The following NBPF4 variants were observed in gnomAD, a reference collection of about 807,000 sequenced individuals.
NBPF4 encodes NBPF family member NBPF4.
A neutral mutation model predicts 21.1 loss-of-function variants in NBPF4; 11 were observed. The ratio of observed to expected loss-of-function variants is 0.52; its 90% CI spans 0.33 to 0.86. The LOEUF (loss-of-function observed/expected upper bound fraction) is 0.86. NBPF4 is among the 40% of genes least tolerant of loss of function. NBPF4 has a pLI of 0.03. For synonymous variants in NBPF4, 47 were observed against 106.4 expected (o/e 0.44, Z 3.43); for missense variants, 88 against 265.3 (o/e 0.33, Z 4.64).
rs576165846 is a variant in NBPF4 at position 108,228,906 on chromosome 1, G to C, written c.1660+14C>G. On this transcript the variant is annotated intron_variant, in intron 13 of 14. Coordinates refer to ENST00000415641, the MANE Select transcript of NBPF4 (RefSeq NM_001143989.3). ...ACCTGGATTAGAGCTTCATGACGCC[G>C]TTTCCTTCCCTACCTTGGAAGGGCC... is the stretch of plus-strand genomic sequence containing the variant. 5.9e-6 allele frequency: 8 copies of C among 1,359,562 alleles called. No homozygotes were observed. Among genetic ancestry groups the C allele is most frequent in the Non-Finnish European group, 8.2e-6 (8 of 976,362 alleles). The allele number at this position is 1,359,562 out of a possible 1,614,324, so 84.2% of individuals were successfully genotyped here.
the NBPF4 span, among the ~76,000 whole-genome samples, chr1:108,266,190 AG>A: frequency 6.8e-6 from 1 of 146,758 alleles, no homozygotes; most frequent in Admixed American, 6.8e-5. Flanking sequence ...ACCACTAGCA[AG>A]ACTAATAAAG....
intron 3 of NBPF4, among the ~76,000 whole-genome samples, 171 bp from the exon 4 acceptor site, chr1:108,241,335 TATATACAC>T (rs199664429): frequency 0.12 from 15,175 of 127,544 alleles, 882 homozygotes; most frequent in East Asian, 0.24. Flanking sequence ...TATATATATA[TATATACAC>T]ACACACACAC....
At chr1:108,244,877 C>T (rs1242249326), upstream of NBPF4, among the ~76,000 whole-genome samples, 1 of 14,646 alleles carries the variant, frequency 6.8e-5, no homozygotes, top group African/African-American at 2.4e-4. Flanking sequence ...GGGCATTGAA[C>T]GCTTCTCAGG....
In NBPF4 at chr1:108,223,765, A is replaced by G. The variant is rs188433887; in HGVS notation, c.1876-19T>C. Reference sequence around the variant, plus strand: ...TTGGTATCTGTAGGGGAGAGAGAGAAAAAAAATCAAATGAGCATTTTTGTC... The same window carrying G: ...TTGGTATCTGTAGGGGAGAGAGAGAGAAAAAATCAAATGAGCATTTTTGTC... On this transcript the variant is annotated intron_variant, in intron 14 of 14. Transcript: ENST00000415641. 1.0e-4 allele frequency: 158 copies of G among 1,548,622 alleles called. 2 individuals are homozygous for G. In the African/African-American group the frequency reaches 1.8e-3, roughly 18 times the overall value.
the NBPF4 span, among the ~76,000 whole-genome samples, chr1:108,264,149 T>C: frequency 1.4e-5 from 2 of 146,948 alleles, no homozygotes; most frequent in Non-Finnish European, 3.0e-5. Context: ...ACATATCTCA[T>C]GTGCAAAGAT....
the NBPF4 span, among the ~76,000 whole-genome samples, chr1:108,254,073 C>CTT: frequency 1.8e-5 from 2 of 112,422 alleles, no homozygotes; most frequent in African/African-American, 3.4e-5. Context: ...TGATGTGGTC[C>CTT]TTTTTTTTTT....
chr1:108,257,413 C>T, the NBPF4 span, among the ~76,000 whole-genome samples: 1 of 151,022 alleles, frequency 6.6e-6, no homozygotes, highest in East Asian at 1.9e-4. Context: ...ACAGTAGTCT[C>T]CCTGCTACCC....
chr1:108,246,044 T>A (rs1351202569), upstream of NBPF4, among the ~76,000 whole-genome samples: 1 of 115,970 alleles, frequency 8.6e-6, no homozygotes, highest in Non-Finnish European at 1.8e-5. Flanking sequence ...GTACCAATGA[T>A]TCTCATTAAG....
the NBPF4 span, among the ~76,000 whole-genome samples, chr1:108,257,762 C>CTTTT: frequency 0.013 from 733 of 54,706 alleles, no homozygotes; most frequent in Non-Finnish European, 0.016. Context: ...CTTTTCTTTT[C>CTTTT]TTTTTTTTTT....
At chr1:108,241,513 T>G (rs1354686033) in intron 3 of NBPF4, among the ~76,000 whole-genome samples, 1 of 146,048 alleles carries the variant, frequency 6.8e-6, no homozygotes, top group African/African-American at 2.5e-5. Flanking sequence ...CCTAAATCAG[T>G]TCCACAAGGA....
the NBPF4 span, among the ~76,000 whole-genome samples, chr1:108,256,444 CCTT>C: frequency 7.3e-6 from 1 of 136,444 alleles, no homozygotes; most frequent in Non-Finnish European, 1.6e-5. Context: ...TTATTAGAGA[CCTT>C]CTTTCTTAAT....
At position 108,222,909 on chromosome 1, in the gene NBPF4, A is replaced by C. The variant is rs890599657; in HGVS notation, c.*796T>G. On this transcript the variant is annotated 3_prime_UTR_variant, in exon 15 of 15. Transcript: ENST00000415641. ...CAAGTGACCATCCTAGTATCACCGC[A>C]CTGGGGATGGACACACTGGGCCTTC... 6.6e-6 allele frequency among the ~76,000 whole-genome samples: 1 copy of C among 152,132 alleles called. No individual in the cohort carries two copies. The highest frequency in any genetic ancestry group is 1.5e-5 in the Non-Finnish European group (1 of 68,020).
At chr1:108,227,067 C>T (rs2101675385) in intron 13 of NBPF4, among the ~76,000 whole-genome samples, 174 bp from the exon 14 acceptor site, 1 of 151,788 alleles carries the variant, frequency 6.6e-6, no homozygotes, top group East Asian at 1.9e-4. Flanking sequence ...ATCTTTCCTA[C>T]ATTACTCAGT....
At chr1:108,257,833 T>C in the NBPF4 span, among the ~76,000 whole-genome samples, 2 of 134,408 alleles carry the variant, frequency 1.5e-5, no homozygotes, top group Non-Finnish European at 3.1e-5. Context: ...AGTGGTGTGA[T>C]CACTTCCTGG....
chr1:108,228,733 AC>A (rs1323182709), intron 13 of NBPF4, among the ~76,000 whole-genome samples, 186 bp downstream of exon 13: 1 of 148,736 alleles, frequency 6.7e-6, no homozygotes. Context: ...AAAGTGGCAA[AC>A]CCAGGTCCTG....
At chr1:108,256,221 GCTAT>G in the NBPF4 span, among the ~76,000 whole-genome samples, 1 of 147,644 alleles carries the variant, frequency 6.8e-6, no homozygotes, top group Admixed American at 7.1e-5. Context: ...CATTTCTGAT[GCTAT>G]TTATTTGACT....
At chr1:108,266,056 AAAAG>A in the NBPF4 span, among the ~76,000 whole-genome samples, 1 of 130,934 alleles carries the variant, frequency 7.6e-6, no homozygotes, top group Non-Finnish European at 1.6e-5. Context: ...ATTTAAAAAA[AAAAG>A]AAAAGAAATA....
chr1:108,223,186 C>T lies in NBPF4; in HGVS notation c.*519G>A, dbSNP rs1039322107. On this transcript the variant is annotated 3_prime_UTR_variant, in exon 15 of 15. Coordinates refer to ENST00000415641, the MANE Select transcript of NBPF4 (RefSeq NM_001143989.3). ...AAGCATAAGCTGCATAGGCTTTTTA[C>T]TCTTTTTGAACTCAAAATGTCTCTT... 6.6e-6 allele frequency among the ~76,000 whole-genome samples: 1 copy of T among 152,106 alleles called. No individual in the cohort carries two copies. Among genetic ancestry groups the T allele is most frequent in the Admixed American group, 6.5e-5 (1 of 15,280 alleles).
chr1:108,233,548 C>CA (rs1383930961), intron 10 of NBPF4, among the ~76,000 whole-genome samples: 44 of 82,648 alleles, frequency 5.3e-4, no homozygotes, highest in African/African-American at 1.6e-3. Context: ...ATTCAGCTTT[C>CA]AATCATCAAA....
Sources: allele counts gnomAD v4.1 joint callset (sites outside exome capture counted in the v4.1 genomes callset), GRCh38; gene constraint gnomAD v4.1.1; transcripts MANE v1.5; gene names NCBI Gene and HGNC (gene_info 2026-07-23, HGNC 2026-07-21).